The following SPHKAP variants were observed in gnomAD, a reference collection of about 807,000 sequenced individuals.
SPHKAP encodes the protein SPHK1 interactor, AKAP domain containing, also known as A-kinase anchor protein SPHKAP.
A neutral mutation model predicts 137.5 loss-of-function variants in SPHKAP; 67 were observed. That is an observed-to-expected ratio of 0.49 (90% CI 0.40 to 0.60). The LOEUF is 0.60. SPHKAP is among the 20% of genes least tolerant of loss of function. The probability of loss-of-function intolerance (pLI) is 0.00; values close to 1 mark genes in which losing one functional copy is unlikely to be tolerated. For missense variants in SPHKAP, 2,097 were observed against 2,069.3 expected, an observed-to-expected ratio of 1.01 and a Z score of -0.26; for synonymous variants, 813 against 785.3, an observed-to-expected ratio of 1.04 and a Z score of -0.59.
intron 3 of SPHKAP, among the ~76,000 whole-genome samples, chr2:228,043,708 C>T (rs2106261980): frequency 6.6e-6 from 1 of 152,276 alleles, no homozygotes; most frequent in East Asian, 1.9e-4. Flanking sequence ...GACAACCTAA[C>T]TTTGACTATG....
chr2:228,052,781 T>G (rs1437709628), intron 3 of SPHKAP, among the ~76,000 whole-genome samples: 3 of 152,148 alleles, frequency 2.0e-5, no homozygotes, highest in Non-Finnish European at 4.4e-5. Context: ...GTTTTATTCC[T>G]TTTATGTTAG....
At chr2:228,000,400 C>T (rs1693808469) in intron 7 of SPHKAP, among the ~76,000 whole-genome samples, 1 of 152,048 alleles carries the variant, frequency 6.6e-6, no homozygotes, top group Admixed American at 6.6e-5. Context: ...GGGTGGATCA[C>T]GAGGTCAGGA....
intron 3 of SPHKAP, among the ~76,000 whole-genome samples, chr2:228,068,702 T>TC (rs1696908739): frequency 6.6e-6 from 1 of 152,194 alleles, no homozygotes; most frequent in Non-Finnish European, 1.5e-5. Flanking sequence ...TCAAAATGGA[T>TC]TGAAGACTTA....
chr2:228,181,374 T>G lies in SPHKAP; in HGVS notation c.32+193A>C, dbSNP rs1045419508. Among the ~76,000 whole-genome samples, 1 of 152,086 alleles carries G rather than the reference T, an allele frequency of 6.6e-6. No homozygotes were observed. On this transcript the variant is annotated intron_variant, in intron 1 of 11. Transcript: ENST00000392056. This position sits in a 1 kb window ranked among gnomAD's most constrained non-coding sequence, Gnocchi z 4.3. ...AGGCCCCACTCAGCATCGCGCCCTG[T>G]GGGGCAGTTGACAGGGTCCCCTGTA...
chr2:228,156,188 A>G (rs950972183), intron 1 of SPHKAP, among the ~76,000 whole-genome samples: 1 of 152,246 alleles, frequency 6.6e-6, no homozygotes, highest in Non-Finnish European at 1.5e-5. Flanking sequence ...TATGTTTCAC[A>G]TGTAGTTACA....
At chr2:227,989,395 T>C (rs1256194501) in intron 11 of SPHKAP, among the ~76,000 whole-genome samples, 4 of 152,106 alleles carry the variant, frequency 2.6e-5, no homozygotes, top group Admixed American at 6.6e-5. Flanking sequence ...ATGAGGCACA[T>C]GGAGGCACTT....
chr2:227,994,030 A>G, intron 8 of SPHKAP: 2 of 985,236 alleles, frequency 2.0e-6, no homozygotes, highest in Non-Finnish European at 2.4e-6. Context: ...TTCTGAAAAC[A>G]TGGGCTGGCA....
chr2:228,122,609 T>C (rs1276966500), intron 2 of SPHKAP, among the ~76,000 whole-genome samples: 1 of 152,174 alleles, frequency 6.6e-6, no homozygotes, highest in Non-Finnish European at 1.5e-5. Flanking sequence ...GGATGAGCTG[T>C]CCATGCAACA....
At chr2:228,014,958 T>C (rs1694512959) in intron 7 of SPHKAP, among the ~76,000 whole-genome samples, 1 of 152,154 alleles carries the variant, frequency 6.6e-6, no homozygotes, top group Admixed American at 6.5e-5. Flanking sequence ...TTAGGGTACA[T>C]GTGCACAAAG....
intron 2 of SPHKAP, among the ~76,000 whole-genome samples, chr2:228,124,534 G>A (rs891064741): frequency 4.8e-5 from 7 of 146,394 alleles, no homozygotes; most frequent in East Asian, 2.1e-4. Context: ...ATTGAACAAC[G>A]AGAACACTTG....
At chr2:228,068,299 T>C (rs1696892184) in intron 3 of SPHKAP, among the ~76,000 whole-genome samples, 1 of 152,066 alleles carries the variant, frequency 6.6e-6, no homozygotes, top group Non-Finnish European at 1.5e-5. Context: ...ACGTCCATAC[T>C]ATCCAAGGCC....
chr2:228,154,533 T>TATATATATATA (rs57634967), intron 1 of SPHKAP, among the ~76,000 whole-genome samples: 32 of 15,506 alleles, frequency 2.1e-3, no homozygotes, highest in Admixed American at 4.0e-3. Context: ...TATATATATA[T>TATATATATATA]TTTTTTTTTT....
intron 11 of SPHKAP, among the ~76,000 whole-genome samples, chr2:227,987,022 C>T (rs1693236119): frequency 6.6e-6 from 1 of 152,236 alleles, no homozygotes; most frequent in African/African-American, 2.4e-5. Context: ...TTTCAGCAAT[C>T]TTTCCCCTGG....
chr2:228,045,768 A>G (rs1013163619), intron 3 of SPHKAP, among the ~76,000 whole-genome samples: 1 of 152,028 alleles, frequency 6.6e-6, no homozygotes, highest in African/African-American at 2.4e-5. Context: ...AAAAAGAAAA[A>G]AAATAGAATC....
chr2:228,109,250 G>T, intron 2 of SPHKAP: 2 of 436,950 alleles, frequency 4.6e-6, no homozygotes, highest in Non-Finnish European at 6.1e-6. Flanking sequence ...TGGGGGTATG[G>T]CTATGTGGGC....
chr2:228,106,903 T>C (rs1698359173), intron 3 of SPHKAP, among the ~76,000 whole-genome samples: 1 of 152,190 alleles, frequency 6.6e-6, no homozygotes, highest in African/African-American at 2.4e-5. Context: ...GAAATTTCCT[T>C]TAGGTTTAGA....
At chr2:227,998,857 C>A (rs1693737541) in intron 7 of SPHKAP, among the ~76,000 whole-genome samples, 1 of 152,140 alleles carries the variant, frequency 6.6e-6, no homozygotes, top group South Asian at 2.1e-4. Flanking sequence ...GCATATATTT[C>A]TGCAGAGAAC....
chr2:227,992,701 A>C (rs1420402332), intron 9 of SPHKAP, among the ~76,000 whole-genome samples: 1 of 152,188 alleles, frequency 6.6e-6, no homozygotes, highest in Non-Finnish European at 1.5e-5. Context: ...CCACAAAGGA[A>C]CCACTGTCAC....
intron 3 of SPHKAP, among the ~76,000 whole-genome samples, chr2:228,039,076 A>T (rs758903042): frequency 6.6e-6 from 1 of 152,156 alleles, no homozygotes; most frequent in Non-Finnish European, 1.5e-5. Flanking sequence ...AGGTGCTAAC[A>T]TTTTTCTTGG....
Sources: allele counts gnomAD v4.1 joint callset (sites outside exome capture counted in the v4.1 genomes callset), GRCh38; gene constraint gnomAD v4.1.1; non-coding constraint Gnocchi (gnomAD v3.1); transcripts MANE v1.5; gene names NCBI Gene and HGNC (gene_info 2026-07-23, HGNC 2026-07-21).